CNTN3: variants seen among roughly 807,000 people sequenced by gnomAD.
CNTN3 encodes the protein contactin-3.
Under a neutral mutation model 119.1 loss-of-function variants are expected in CNTN3, and 60 were observed. The ratio of observed to expected loss-of-function variants is 0.50; its 90% CI spans 0.41 to 0.62. The LOEUF is 0.62. CNTN3 is among the 20% of genes least tolerant of loss of function. CNTN3 has a pLI of 0.00. For synonymous variants in CNTN3, 450 were observed against 438.7 expected (o/e 1.03, Z -0.32); for missense variants, 1,101 against 1,242.4 (o/e 0.89, Z 1.71).
chr3:74,354,610 A>G (rs1703894615), intron 11 of CNTN3, among the ~76,000 whole-genome samples: 1 of 152,138 alleles, frequency 6.6e-6, no homozygotes, highest in African/African-American at 2.4e-5. Flanking sequence ...GAATACTGAA[A>G]AAGGCAGTAC....
Position 74,285,198 on chromosome 3 carries a change from C to A in CNTN3, c.2704+107G>T, listed in dbSNP as rs1702086249. 2.5e-6 allele frequency: 3 copies of A among 1,214,022 alleles called. No individual in the cohort carries two copies. The African/African-American group carries it at 4.6e-5, about 19-fold the overall frequency. The allele number at this position is 1,214,022 out of a possible 1,614,324, so 75.2% of individuals were successfully genotyped here. A position where few individuals can be genotyped will look rare whatever the true frequency, so the allele number is the denominator to read the frequency against. On this transcript the variant is annotated intron_variant, in intron 20 of 22. Coordinates refer to ENST00000263665, the MANE Select transcript of CNTN3 (RefSeq NM_020872.3). ...GGTTTTGGAGTTAGGTTTATATAAT[C>A]TAGTGAGATTAATGACTTGGGTTGT...
At chr3:74,499,852 G>A in intron 2 of CNTN3, 67 bp from the exon 3 acceptor site, 2 of 1,468,250 alleles carry the variant, frequency 1.4e-6, no homozygotes, top group Non-Finnish European at 1.8e-6. Flanking sequence ...TTACATTCCA[G>A]TATTGAAGAA....
chr3:74,601,580 AG>A (rs1704911100), intron 1 of CNTN3, among the ~76,000 whole-genome samples: 1 of 152,148 alleles, frequency 6.6e-6, no homozygotes, highest in Non-Finnish European at 1.5e-5. Flanking sequence ...TAAAAACTAG[AG>A]GGCATTTACA....
At chr3:74,473,750 G>A (rs1328104086) in intron 4 of CNTN3, among the ~76,000 whole-genome samples, 2 of 152,198 alleles carry the variant, frequency 1.3e-5, no homozygotes, top group African/African-American at 4.8e-5. Context: ...TTTAGGAAAT[G>A]ATACTGAAGC....
chr3:74,340,643 A>C lies in CNTN3; in HGVS notation c.1365-3985T>G, dbSNP rs575496886. On this transcript the variant is annotated intron_variant, in intron 11 of 22. Coordinates refer to ENST00000263665, the MANE Select transcript of CNTN3 (RefSeq NM_020872.3). ...TGGAGAATTTTAATATGCAAAGACC[A>C]GAAGATGGCAGATTATATCAGAAGT... Among the ~76,000 whole-genome samples the C allele has an allele frequency of 2.1e-4, 32 of 152,300 alleles. 1 individual carries two copies. The highest frequency in any genetic ancestry group is 7.7e-4 in the African/African-American group (32 of 41,584).
At chr3:74,296,177 A>G (rs1481417557) in intron 18 of CNTN3, among the ~76,000 whole-genome samples, 2 of 152,108 alleles carry the variant, frequency 1.3e-5, no homozygotes, top group African/African-American at 4.8e-5. Context: ...CTTCTTTCTT[A>G]GGTAAGCCCG....
At chr3:74,457,383 T>C (rs1396458469) in intron 4 of CNTN3, among the ~76,000 whole-genome samples, 1 of 152,062 alleles carries the variant, frequency 6.6e-6, no homozygotes, top group African/African-American at 2.4e-5. Flanking sequence ...CAAAACTTTT[T>C]ATACTTTATC....
intron 22 of CNTN3, among the ~76,000 whole-genome samples, chr3:74,265,059 A>C (rs1701640597): frequency 6.6e-6 from 1 of 152,190 alleles, no homozygotes. Context: ...CTTTGAGATA[A>C]TTCAATGGTT....
intron 13 of CNTN3, among the ~76,000 whole-genome samples, chr3:74,328,116 G>T (rs1056500680): frequency 6.6e-6 from 1 of 151,798 alleles, no homozygotes; most frequent in Non-Finnish European, 1.5e-5. Context: ...TTATCTGTAG[G>T]ATTATTTTTT....
At chr3:74,565,368 T>C (rs1362685514) in intron 1 of CNTN3, among the ~76,000 whole-genome samples, 1 of 152,138 alleles carries the variant, frequency 6.6e-6, no homozygotes, top group Non-Finnish European at 1.5e-5. Flanking sequence ...TTCCAAGCTC[T>C]GCTTCAATCG....
intron 1 of CNTN3, among the ~76,000 whole-genome samples, chr3:74,547,610 A>G (rs1703933873): frequency 6.6e-6 from 1 of 152,126 alleles, no homozygotes; most frequent in African/African-American, 2.4e-5. Flanking sequence ...TTACTCTTCT[A>G]TGAATTGCTG....
At chr3:74,558,407 C>T (rs1475242058) in intron 1 of CNTN3, among the ~76,000 whole-genome samples, 2 of 152,156 alleles carry the variant, frequency 1.3e-5, no homozygotes, top group African/African-American at 2.4e-5. Flanking sequence ...TTTTGCAACA[C>T]TCCTCACAAC....
intron 1 of CNTN3, among the ~76,000 whole-genome samples, chr3:74,576,439 A>G (rs1394074196): frequency 6.6e-6 from 1 of 152,190 alleles, no homozygotes; most frequent in Admixed American, 6.5e-5. Context: ...AAACTAGACT[A>G]GAGTACACAC....
At chr3:74,502,809 C>A (rs1164167009) in intron 2 of CNTN3, among the ~76,000 whole-genome samples, 1 of 152,104 alleles carries the variant, frequency 6.6e-6, no homozygotes, top group Non-Finnish European at 1.5e-5. Context: ...TCATTTCCAC[C>A]AGTCACAGAT....
chr3:74,594,295 T>TTTTTTTTTTTTTTTTTTTTTA (rs1559672251), intron 1 of CNTN3, among the ~76,000 whole-genome samples: 1 of 146,010 alleles, frequency 6.8e-6, no homozygotes, highest in African/African-American at 2.5e-5. Context: ...TTTTTTACTT[T>TTTTTTTTTTTTTTTTTTTTTA]TTTTTTAATT....
chr3:74,482,423 A>G (rs897854467), intron 4 of CNTN3, among the ~76,000 whole-genome samples: 1 of 152,064 alleles, frequency 6.6e-6, no homozygotes, highest in Non-Finnish European at 1.5e-5. Flanking sequence ...AAACTAAACT[A>G]GCTGATAAAT....
intron 13 of CNTN3, among the ~76,000 whole-genome samples, chr3:74,307,573 T>C (rs1015632962): frequency 9.9e-5 from 15 of 152,158 alleles, no homozygotes; most frequent in Admixed American, 6.6e-5. Context: ...AATGGAATTT[T>C]TGATGTAATT....
intron 2 of CNTN3, among the ~76,000 whole-genome samples, chr3:74,510,717 CG>C (rs1223527779): frequency 6.6e-6 from 1 of 152,036 alleles, no homozygotes; most frequent in Admixed American, 6.6e-5. Flanking sequence ...ACTATTCCTA[CG>C]GAATGTATCT....
At chr3:74,608,202 C>T (rs1705024173) in intron 1 of CNTN3, among the ~76,000 whole-genome samples, 2 of 151,944 alleles carry the variant, frequency 1.3e-5, no homozygotes, top group Admixed American at 1.3e-4. Flanking sequence ...AGCAGAACCC[C>T]AGTTAACCTT....
Sources: gnomAD v4.1 joint callset for allele counts (sites outside exome capture counted in the v4.1 genomes callset) on GRCh38, gnomAD v4.1.1 for gene constraint, MANE v1.5 for transcripts, NCBI Gene and HGNC (gene_info 2026-07-23, HGNC 2026-07-21) for gene names.